The following EXPH5 variants were observed in gnomAD, a reference collection of about 807,000 sequenced individuals.
The protein encoded by EXPH5 is exophilin-5.
EXPH5 carries 42 observed loss-of-function variants against 41.1 expected under a neutral mutation model. The ratio of observed to expected loss-of-function variants is 1.02; its 90% CI spans 0.80 to 1.32. The LOEUF (loss-of-function observed/expected upper bound fraction) is 1.32. Among genes scored for constraint, EXPH5 ranks in the 40% most tolerant of loss-of-function variants. EXPH5 has a pLI of 0.00. For missense variants in EXPH5, 2,298 were observed against 2,314.5 expected (o/e 0.99, Z 0.15); for synonymous variants, 798 against 833.5 (o/e 0.96, Z 0.73).
chr11:108,551,638 A>G (rs1041701744), intron 1 of EXPH5, among the ~76,000 whole-genome samples: 4 of 151,820 alleles, frequency 2.6e-5, no homozygotes, highest in Non-Finnish European at 5.9e-5. Context: ...TTCTCCTTCC[A>G]GGCAGCTAAG....
At chr11:108,594,316 C>T (rs935369556), upstream of EXPH5, among the ~76,000 whole-genome samples, 3 of 152,164 alleles carry the variant, frequency 2.0e-5, no homozygotes, top group African/African-American at 7.2e-5. Context: ...AACAAACAAA[C>T]AAACAAACAA....
intron 1 of EXPH5, among the ~76,000 whole-genome samples, chr11:108,553,059 G>C (rs920449924): frequency 4.6e-5 from 7 of 152,212 alleles, no homozygotes; most frequent in East Asian, 1.9e-4. Context: ...TTAGCCATGT[G>C]TAATGGCAGG....
In EXPH5 at chr11:108,510,319, C is replaced by T; in HGVS notation, c.5188G>A (p.Gly1730Arg). Residue 1730 changes from glycine to arginine, a missense_variant, in exon 6 of 6, where the codon GGA becomes AGA. Transcript: ENST00000265843. ...TAAQNLVRES[G>R]APSPITFTSL... is the part of the protein sequence containing the mutation. ...GTGAATGTGATGGGTGATGGGGCTC[C>T]TGATTCTCTTACTAAATTCTGAGCT... 2 of 1,614,144 alleles carry T rather than the reference C, an allele frequency of 1.2e-6. No homozygotes were observed.
chr11:108,593,307 G>C (rs1351044184), intron 1 of EXPH5, 111 bp downstream of exon 1: 5 of 902,282 alleles, frequency 5.5e-6, no homozygotes, highest in East Asian at 2.4e-5. Context: ...CGCAGCAGCC[G>C]CTCGGAGCAC....
chr11:108,525,042 T>A (rs926665776), intron 4 of EXPH5, among the ~76,000 whole-genome samples: 49 of 152,176 alleles, frequency 3.2e-4, no homozygotes, highest in African/African-American at 1.1e-3. Context: ...AGTGAATAAG[T>A]CTCATGAGAT....
At chr11:108,589,613 T>C (rs895239663) in intron 1 of EXPH5, among the ~76,000 whole-genome samples, 2 of 152,240 alleles carry the variant, frequency 1.3e-5, no homozygotes, top group African/African-American at 4.8e-5. Flanking sequence ...TGATGCCAGA[T>C]AGATTTAGGT....
At position 108,510,381 on chromosome 11, in the gene EXPH5, G is replaced by A; in HGVS notation, c.5126C>T (p.Ser1709Leu). The change falls in exon 6 of 6, where the codon TCA (serine) becomes TTA (leucine). Residue 1709 changes from serine to leucine, a missense_variant. Ser to Leu is a moderately radical substitution (Grantham distance 145, BLOSUM62 -2). Coordinates refer to ENST00000265843, the MANE Select transcript of EXPH5 (RefSeq NM_015065.3). Reference sequence around the variant, plus strand: ...TTTAGAATTCTCATGCTTTGATGGTGATTCTGAGACGTTTTTAAACTCATT... The same window carrying A: ...TTTAGAATTCTCATGCTTTGATGGTAATTCTGAGACGTTTTTAAACTCATT... ...HQNEFKNVSE[S>L]PSKHENSKDV... 3 of 1,614,008 alleles carry A rather than the reference G, an allele frequency of 1.9e-6. No individual in the cohort carries two copies. The highest frequency in any genetic ancestry group is 1.7e-6 in the Non-Finnish European group (2 of 1,180,010).
intron 1 of EXPH5, among the ~76,000 whole-genome samples, chr11:108,589,232 G>A (rs2094121672): frequency 6.6e-6 from 1 of 152,228 alleles, no homozygotes; most frequent in African/African-American, 2.4e-5. Context: ...CTGGCACACA[G>A]TAAAAAGCCC....
chr11:108,528,125 T>C lies in EXPH5; in HGVS notation c.492+11A>G, dbSNP rs1177280025. On this transcript the variant is annotated intron_variant, in intron 4 of 5. Coordinates refer to ENST00000265843, the MANE Select transcript of EXPH5 (RefSeq NM_015065.3). ...TTTCTTAGAGTAACCTGTAGTTATCTGGTTACTTACCACAGCAGCTCCCCT... is the reference window on the plus strand; with the variant it reads ...TTTCTTAGAGTAACCTGTAGTTATCCGGTTACTTACCACAGCAGCTCCCCT... The C allele has an allele frequency of 1.3e-6, 2 of 1,578,200 alleles. No individual in the cohort carries two copies. The highest frequency in any genetic ancestry group is 1.7e-5 in the Admixed American group (1 of 59,836).
intron 1 of EXPH5, among the ~76,000 whole-genome samples, chr11:108,569,527 A>T (rs564567602): frequency 1.3e-5 from 2 of 152,160 alleles, no homozygotes; most frequent in East Asian, 3.9e-4. Flanking sequence ...TTGAGTAGAG[A>T]CAGGGGTTTC....
At chr11:108,552,167 A>AGTG (rs201524213) in intron 1 of EXPH5, 86,960 of 151,446 alleles carry the variant, frequency 0.57, 28,355 homozygotes, top group East Asian at 0.79. Context: ...GAAGGAAGAG[A>AGTG]AAGCCCTGTG....
chr11:108,533,117 G>T (rs1172815063), intron 3 of EXPH5, among the ~76,000 whole-genome samples: 1 of 152,032 alleles, frequency 6.6e-6, no homozygotes, highest in African/African-American at 2.4e-5. Flanking sequence ...TATCTACCTA[G>T]TTTCCCCAGT....
intron 1 of EXPH5, among the ~76,000 whole-genome samples, chr11:108,568,606 T>C (rs1241312668): frequency 1.3e-5 from 2 of 152,160 alleles, no homozygotes; most frequent in East Asian, 3.8e-4. Context: ...TATTTCAAAG[T>C]TGATGGAAGA....
chr11:108,511,870 A>G lies in EXPH5; in HGVS notation c.3637T>C (p.Phe1213Leu), dbSNP rs1180719121. The G allele has an allele frequency of 6.3e-7, 1 of 1,587,982 alleles. No homozygotes were observed. The highest frequency in any genetic ancestry group is 8.5e-7 in the Non-Finnish European group (1 of 1,172,086). ...TCTTTTCCTGACAAGTCTGAGCAAA[A>G]AGGTAAAGGGTCTTCATTTGAAAGA... ...FALSNEDPLP[F>L]CSDLSGKERG... Residue 1213 changes from phenylalanine to leucine, a missense_variant, in exon 6 of 6, where the codon TTT becomes CTT. Coordinates refer to ENST00000265843, the MANE Select transcript of EXPH5 (RefSeq NM_015065.3).
chr11:108,573,431 CAATT>C (rs1480679661), intron 1 of EXPH5, among the ~76,000 whole-genome samples: 2 of 152,192 alleles, frequency 1.3e-5, no homozygotes, highest in South Asian at 2.1e-4. Context: ...AACTGAAACA[CAATT>C]AATGAACTAT....
chr11:108,604,560 C>T, the EXPH5 span, among the ~76,000 whole-genome samples: 1 of 152,106 alleles, frequency 6.6e-6, no homozygotes, highest in Non-Finnish European at 1.5e-5. Flanking sequence ...AGAAGATTTT[C>T]ATAGTTAGGA....
chr11:108,591,150 C>G (rs1362414460), intron 1 of EXPH5, among the ~76,000 whole-genome samples: 1 of 152,200 alleles, frequency 6.6e-6, no homozygotes, highest in Admixed American at 6.5e-5. Flanking sequence ...GTCTCTCAGA[C>G]AGGCCTGTTG....
At chr11:108,535,105 C>T (rs1474678502) in intron 3 of EXPH5, among the ~76,000 whole-genome samples, 1 of 152,182 alleles carries the variant, frequency 6.6e-6, no homozygotes, top group African/African-American at 2.4e-5. Context: ...AAAATTCTGA[C>T]AGCCCTTACC....
intron 1 of EXPH5, among the ~76,000 whole-genome samples, chr11:108,551,120 A>G (rs1264796861): frequency 6.6e-6 from 1 of 152,236 alleles, no homozygotes; most frequent in Non-Finnish European, 1.5e-5. Flanking sequence ...CTGCTCCAGC[A>G]TCGTCCTCAT....
Sources: gnomAD v4.1 joint callset for allele counts (sites outside exome capture counted in the v4.1 genomes callset) on GRCh38, gnomAD v4.1.1 for gene constraint, MANE v1.5 for transcripts, NCBI Gene and HGNC (gene_info 2026-07-23, HGNC 2026-07-21) for gene names.